The following NCR3LG1 variants were observed in gnomAD, a reference collection of about 807,000 sequenced individuals.
The protein encoded by NCR3LG1 is natural cytotoxicity triggering receptor 3 ligand 1.
In NCR3LG1, 35 loss-of-function variants were observed where a neutral mutation model predicts 34.8. The observed-to-expected ratio is 1.01, with a 90% CI of 0.77 to 1.33. NCR3LG1 has a LOEUF of 1.33. NCR3LG1 is among the 40% of genes most tolerant of loss of function. The pLI is 0.00. For missense variants in NCR3LG1, 452 were observed against 423.3 expected (o/e 1.07, Z -0.60); for synonymous variants, 173 against 163.6 (o/e 1.06, Z -0.44).
Position 17,362,688 on chromosome 11 carries a change from CTTCCTTTCTTTCTTTCTTTCT to C in NCR3LG1, c.422-4317_422-4297del, listed in dbSNP as rs1564856369. Among the ~76,000 whole-genome samples the C allele has an allele frequency of 2.0e-3, 32 of 16,030 alleles. 10 individuals are homozygous for C. The African/African-American group carries it at 0.029, about 15-fold the overall frequency. 10.5% of individuals were successfully genotyped at this position (16,030 alleles called of 152,430 possible). ...GACTCAGTGTCTCCTTCCTTCCTTC[CTTCCTTTCTTTCTTTCTTTCT>C]TTCTTTCTTTCTTTCTTTCTTTCTT... On this transcript the variant is annotated intron_variant, in intron 2 of 4. Coordinates refer to ENST00000338965, the MANE Select transcript of NCR3LG1 (RefSeq NM_001202439.3).
chr11:17,356,805 A>T lies in NCR3LG1; in HGVS notation c.225A>T (p.Glu75Asp). 1 of 1,536,236 alleles carries T rather than the reference A, an allele frequency of 6.5e-7. No individual in the cohort carries two copies. The highest frequency in any genetic ancestry group is 8.7e-7 in the Non-Finnish European group (1 of 1,146,936). The change falls in exon 2 of 5, where the codon GAA (glutamate) becomes GAT (aspartate). Residue 75 changes from glutamate to aspartate, a missense_variant. Transcript: ENST00000338965. ...GGAAGAGTCTGACGTTTGACAAAGAAGTCAAAGTCTTTGAATTTTTTGGAG... is the reference window on the plus strand; with the variant it reads ...GGAAGAGTCTGACGTTTGACAAAGATGTCAAAGTCTTTGAATTTTTTGGAG... ...WFWKSLTFDK[E>D]VKVFEFFGDH...
rs1339294994 is a variant in NCR3LG1, at chr11:17,377,283, C to T, written c.*4771C>T. On this transcript the variant is annotated 3_prime_UTR_variant, in exon 5 of 5. Coordinates refer to ENST00000338965, the MANE Select transcript of NCR3LG1 (RefSeq NM_001202439.3). ...GATGAGGTCAGGAGTTCAAGACTAG[C>T]CTGGACAATATGGTGAAACCCCGTC... 6.8e-6 allele frequency: 1 copy of T among 147,710 alleles called. No individual in the cohort carries two copies. The highest frequency in any genetic ancestry group is 2.5e-5 in the African/African-American group (1 of 39,506). The allele number at this position is 147,710 out of a possible 1,614,324, so 9.1% of individuals were successfully genotyped here.
intron 4 of NCR3LG1, among the ~76,000 whole-genome samples, chr11:17,371,165 T>C (rs1953401579): frequency 6.6e-6 from 1 of 152,210 alleles, no homozygotes; most frequent in Non-Finnish European, 1.5e-5. Flanking sequence ...ACTAGTTTTT[T>C]TTCTACTGGA....
At position 17,376,406 on chromosome 11, in the gene NCR3LG1, G is replaced by A. The variant is rs1953477860; in HGVS notation, c.*3894G>A. The A allele has an allele frequency of 6.6e-6, 1 of 152,182 alleles. No homozygotes were observed. Among genetic ancestry groups the A allele is most frequent in the African/African-American group, 2.4e-5 (1 of 41,440 alleles). The allele number at this position is 152,182 out of a possible 1,614,324, so 9.4% of individuals were successfully genotyped here. ...GCCGAGTCTGCTAGGACTTTTTATT[G>A]GGTTTGGTAATACGTCACACCCTTT... On this transcript the variant is annotated 3_prime_UTR_variant, in exon 5 of 5. Coordinates refer to ENST00000338965, the MANE Select transcript of NCR3LG1 (RefSeq NM_001202439.3).
chr11:17,360,445 G>A (rs1953257934), intron 2 of NCR3LG1, among the ~76,000 whole-genome samples: 1 of 151,970 alleles, frequency 6.6e-6, no homozygotes, highest in South Asian at 2.1e-4. Context: ...TTAACATTGT[G>A]TCCTAAAGCT....
rs568840322 is a variant in NCR3LG1, at chr11:17,374,833, G to C, written c.*2321G>C. ...CTGAAGGTCAAAAGGCCATTAATCA[G>C]TTAAAACAAGCCTTGCTTAAAGCAC... On this transcript the variant is annotated 3_prime_UTR_variant, in exon 5 of 5. Transcript: ENST00000338965. 6.6e-6 allele frequency: 1 copy of C among 152,306 alleles called. No homozygotes were observed. Among genetic ancestry groups the C allele is most frequent in the South Asian group, 2.1e-4 (1 of 4,832 alleles). 9.4% of individuals were successfully genotyped at this position (152,306 alleles called of 1,614,324 possible).
rs74193431 is a variant in NCR3LG1, at chr11:17,362,796, CTCTT to C, written c.422-4192_422-4189del. 4.0e-3 allele frequency among the ~76,000 whole-genome samples: 551 copies of C among 137,712 alleles called. 15 individuals carry two copies. Among genetic ancestry groups the C allele is most frequent in the East Asian group, 0.039 (181 of 4,648 alleles). The allele number at this position is 137,712 out of a possible 152,430, so 90.3% of individuals were successfully genotyped here. A position where few individuals can be genotyped will look rare whatever the true frequency, so the allele number is the denominator to read the frequency against. On this transcript the variant is annotated intron_variant, in intron 2 of 4. Transcript: ENST00000338965. ...TCCTTCCTTCTTTCCTTCTTTCTCT[CTCTT>C]TCTTTCTTTCTTTCTTTCTTCCTTT...
At chr11:17,378,073 A>G (rs556592230), downstream of NCR3LG1, among the ~76,000 whole-genome samples, 141 of 152,254 alleles carry the variant, frequency 9.3e-4, no homozygotes, top group African/African-American at 3.2e-3. Context: ...TAATATTTCT[A>G]TTATGATGCC....
intron 2 of NCR3LG1, 115 bp from the exon 3 acceptor site, chr11:17,366,894 C>T (rs1179980165): frequency 1.4e-6 from 1 of 708,516 alleles, no homozygotes; most frequent in East Asian, 2.7e-5. Context: ...TCTTATCTGG[C>T]TACAGGAGCA....
rs553967309 is a variant in NCR3LG1, at chr11:17,353,141, CG to C, written c.70+1103del. ...GAGCAGCGTGAACGGATGTTGAAGG[CG>C]TAGAGCCAAGTAAACAGTGGACATA... On this transcript the variant is annotated intron_variant, in intron 1 of 4. Coordinates refer to ENST00000338965, the MANE Select transcript of NCR3LG1 (RefSeq NM_001202439.3). Among the ~76,000 whole-genome samples, 909 of 152,200 alleles carry C rather than the reference CG, an allele frequency of 6.0e-3. 11 individuals are homozygous for C. Among genetic ancestry groups the C allele is most frequent in the Non-Finnish European group, 7.5e-3 (511 of 68,012 alleles).
At chr11:17,366,143 A>C (rs1268868977) in intron 2 of NCR3LG1, among the ~76,000 whole-genome samples, 1 of 152,158 alleles carries the variant, frequency 6.6e-6, no homozygotes, top group Non-Finnish European at 1.5e-5. Context: ...CTTTCACACT[A>C]ATGTAGCCAG....
At position 17,363,092 on chromosome 11, in the gene NCR3LG1, ATT is replaced by A. The variant is rs71457873; in HGVS notation, c.422-3902_422-3901del. Among the ~76,000 whole-genome samples the A allele has an allele frequency of 9.9e-3, 1,344 of 135,738 alleles. 16 individuals are homozygous for A. Among genetic ancestry groups the A allele is most frequent in the Middle Eastern group, 0.04 (11 of 272 alleles). The allele number at this position is 135,738 out of a possible 152,430, so 89.0% of individuals were successfully genotyped here. A position where few individuals can be genotyped will look rare whatever the true frequency, so the allele number is the denominator to read the frequency against. On this transcript the variant is annotated intron_variant, in intron 2 of 4. Transcript: ENST00000338965. The stretch of plus-strand genomic sequence containing the variant: ...TGCACCACCATGCCCTGCTAATTTA[ATT>A]TTTTTTTTTTTTTTAAGAGATGGAG...
chr11:17,356,638 C>T lies in NCR3LG1; in HGVS notation c.71-13C>T, dbSNP rs1160103548. 4.0e-6 allele frequency: 6 copies of T among 1,507,900 alleles called. No individual in the cohort carries two copies. The highest frequency in any genetic ancestry group is 5.3e-6 in the Non-Finnish European group (6 of 1,126,042). The allele number at this position is 1,507,900 out of a possible 1,614,324, so 93.4% of individuals were successfully genotyped here. ...ATTGGTAAACTGAACATTGTGTCCT[C>T]TTATTGCCACAGGTGATCTGAAAGT... On this transcript the variant is annotated splice_polypyrimidine_tract_variant and intron_variant, in intron 1 of 4. Coordinates refer to ENST00000338965, the MANE Select transcript of NCR3LG1 (RefSeq NM_001202439.3).
chr11:17,357,491 TAGG>T (rs1009963609), intron 2 of NCR3LG1, among the ~76,000 whole-genome samples: 1 of 152,174 alleles, frequency 6.6e-6, no homozygotes, highest in Non-Finnish European at 1.5e-5. Context: ...ATAAGAATTT[TAGG>T]AGGACATAAT....
chr11:17,364,147 GT>G (rs1341145859), intron 2 of NCR3LG1, among the ~76,000 whole-genome samples: 1 of 151,682 alleles, frequency 6.6e-6, no homozygotes, highest in Non-Finnish European at 1.5e-5. Flanking sequence ...CTATTCTGGG[GT>G]TTTTTTTAAA....
At chr11:17,366,922 G>C (rs768258538) in intron 2 of NCR3LG1, 87 bp from the exon 3 acceptor site, 25 of 909,584 alleles carry the variant, frequency 2.7e-5, no homozygotes, top group Admixed American at 4.9e-5. Flanking sequence ...ATAGCTGTGA[G>C]GGTATGGTAG....
intron 2 of NCR3LG1, among the ~76,000 whole-genome samples, chr11:17,362,501 C>A (rs1385885172): frequency 6.6e-6 from 1 of 152,058 alleles, no homozygotes; most frequent in Admixed American, 6.6e-5. Context: ...GAATGTGTTC[C>A]CTCTGTCTAC....
At chr11:17,369,387 C>A (rs1450456910) in intron 4 of NCR3LG1, among the ~76,000 whole-genome samples, 1 of 152,086 alleles carries the variant, frequency 6.6e-6, no homozygotes, top group Non-Finnish European at 1.5e-5. Flanking sequence ...CAATAACTGA[C>A]CACCAGATCT....
intron 2 of NCR3LG1, among the ~76,000 whole-genome samples, chr11:17,363,492 T>C (rs1953305512): frequency 7.1e-6 from 1 of 141,706 alleles, no homozygotes; most frequent in Non-Finnish European, 1.5e-5. Flanking sequence ...CTTTTTTCTG[T>C]CTTTCTTTTC....
Sources: allele counts gnomAD v4.1 joint callset (sites outside exome capture counted in the v4.1 genomes callset), GRCh38; gene constraint gnomAD v4.1.1; transcripts MANE v1.5; gene names NCBI Gene and HGNC (gene_info 2026-07-23, HGNC 2026-07-21).